GRIK4: variants seen among roughly 807,000 people sequenced by gnomAD.
GRIK4 encodes glutamate ionotropic receptor kainate type subunit 4, also known as glutamate receptor ionotropic, kainate 4.
Under a neutral mutation model 104.9 loss-of-function variants are expected in GRIK4, and 40 were observed. That is an observed-to-expected ratio of 0.38 (90% confidence interval 0.30 to 0.50). The LOEUF (loss-of-function observed/expected upper bound fraction) is 0.50. Among genes scored for constraint, GRIK4 ranks in the 20% least tolerant of loss-of-function variants. GRIK4 has a pLI of 0.93. For synonymous variants in GRIK4, 485 were observed against 524.9 expected (o/e 0.92, Z 1.04); for missense variants, 1,047 against 1,308.1 (o/e 0.80, Z 3.08).
intron 3 of GRIK4, among the ~76,000 whole-genome samples, chr11:120,684,855 G>T (rs560728034): frequency 1.3e-5 from 2 of 152,112 alleles, no homozygotes; most frequent in Admixed American, 6.5e-5. Flanking sequence ...GACTACAGGC[G>T]CCCGCCACCG....
chr11:120,707,950 GA>G (rs1363502096), intron 3 of GRIK4, among the ~76,000 whole-genome samples: 1 of 152,134 alleles, frequency 6.6e-6, no homozygotes, highest in Non-Finnish European at 1.5e-5. Flanking sequence ...TTTTTTGGCT[GA>G]CCTAACGGAA....
At chr11:120,571,371 C>G (rs768757056) in intron 1 of GRIK4, among the ~76,000 whole-genome samples, 12 of 152,184 alleles carry the variant, frequency 7.9e-5, no homozygotes, top group Non-Finnish European at 1.8e-4. Context: ...CACACCTGTG[C>G]ACAGCAGTCT....
intron 3 of GRIK4, among the ~76,000 whole-genome samples, chr11:120,738,090 T>C (rs1480816661): frequency 6.7e-6 from 1 of 149,050 alleles, no homozygotes; most frequent in Non-Finnish European, 1.5e-5. Context: ...TAAGAGGAGA[T>C]TGAGAGGGAG....
chr11:120,574,146 C>G (rs1271469311), intron 1 of GRIK4, among the ~76,000 whole-genome samples: 1 of 152,194 alleles, frequency 6.6e-6, no homozygotes, highest in East Asian at 1.9e-4. Context: ...CACACACCTC[C>G]TCCCACGTGC....
chr11:120,784,923 G>A lies in GRIK4; in HGVS notation c.83-17770G>A, dbSNP rs79442231. On this transcript the variant is annotated intron_variant, in intron 3 of 20. Coordinates refer to ENST00000527524, the MANE Select transcript of GRIK4 (RefSeq NM_014619.5). ...CACTGGTGCCTGGCGTGAGGTCGGC[G>A]CTCAGTAAATGCAAGTCAAATTGAA... 2.8e-4 allele frequency among the ~76,000 whole-genome samples: 43 copies of A among 152,186 alleles called. 1 individual carries two copies. In the East Asian group the frequency reaches 6.8e-3, roughly 24 times the overall value.
chr11:120,701,625 G>A (rs927663364), intron 3 of GRIK4, among the ~76,000 whole-genome samples: 21 of 152,224 alleles, frequency 1.4e-4, no homozygotes, highest in African/African-American at 5.1e-4. Flanking sequence ...TCTCCTGTGT[G>A]TATATACCCA....
intron 19 of GRIK4, among the ~76,000 whole-genome samples, chr11:120,972,319 A>T (rs576864166): frequency 1.1e-4 from 16 of 152,340 alleles, no homozygotes; most frequent in African/African-American, 3.8e-4. Context: ...GGCGGCATTC[A>T]TGGTCCCAGG....
At chr11:120,814,037 C>T (rs1425162015) in intron 4 of GRIK4, among the ~76,000 whole-genome samples, 1 of 152,202 alleles carries the variant, frequency 6.6e-6, no homozygotes, top group African/African-American at 2.4e-5. Context: ...TAGATTCTCT[C>T]CCCCTCCTCT....
chr11:120,952,835 G>C lies in GRIK4; in HGVS notation c.1591-20G>C, dbSNP rs377696276. Reference sequence around the variant, plus strand: ...TGACTGAATATGTGCGGTGAATCTTGTTTTTCTCTCCATTTCCAGGGACGC... The same window carrying C: ...TGACTGAATATGTGCGGTGAATCTTCTTTTTCTCTCCATTTCCAGGGACGC... On this transcript the variant is annotated intron_variant, in intron 14 of 20. Transcript: ENST00000527524. The surrounding 1 kb of genome is among the most constrained non-coding windows in gnomAD (Gnocchi z 5.2). 5.1e-6 allele frequency: 8 copies of C among 1,553,602 alleles called. No homozygotes were observed. In the African/African-American group the frequency reaches 1.1e-4, roughly 21 times the overall value.
intron 13 of GRIK4, among the ~76,000 whole-genome samples, chr11:120,906,041 T>C (rs1942860894): frequency 6.6e-6 from 1 of 152,188 alleles, no homozygotes; most frequent in South Asian, 2.1e-4. Context: ...GGCCAAGGTG[T>C]GCTTGGACCT....
rs191349299 is a variant in GRIK4 at position 120,813,096 on chromosome 11, G to A, written c.248-2282G>A. Among the ~76,000 whole-genome samples, 9 of 152,324 alleles carry A rather than the reference G, an allele frequency of 5.9e-5. No individual in the cohort carries two copies. The East Asian group carries it at 1.7e-3, about 29-fold the overall frequency. On this transcript the variant is annotated intron_variant, in intron 4 of 20. Coordinates refer to ENST00000527524, the MANE Select transcript of GRIK4 (RefSeq NM_014619.5). ...GAAAGTGGATTCAGTAGACGAGGTG[G>A]GCGGGGGGACCTCCACTGTAAGAGG...
intron 8 of GRIK4, among the ~76,000 whole-genome samples, chr11:120,845,521 C>G (rs529324031): frequency 2.0e-5 from 3 of 152,110 alleles, no homozygotes; most frequent in Non-Finnish European, 2.9e-5. Flanking sequence ...CAGCTGTTAT[C>G]AGAAACATTT....
In GRIK4 at chr11:120,906,805, C is replaced by T. The variant is rs530741859; in HGVS notation, c.1476+1312C>T. Among the ~76,000 whole-genome samples, 39 of 152,246 alleles carry T rather than the reference C, an allele frequency of 2.6e-4. No homozygotes were observed. In the South Asian group the frequency reaches 5.6e-3, roughly 22 times the overall value. ...GAACATGGACGGCATCTGCAATGAC[C>T]GAGCAGGGTAAAATGGCCAGCCTTG... On this transcript the variant is annotated intron_variant, in intron 13 of 20. Coordinates refer to ENST00000527524, the MANE Select transcript of GRIK4 (RefSeq NM_014619.5).
intron 3 of GRIK4, among the ~76,000 whole-genome samples, chr11:120,690,091 T>C (rs536353092): frequency 6.6e-6 from 1 of 152,306 alleles, no homozygotes; most frequent in Admixed American, 6.5e-5. Flanking sequence ...AAGTGATTTA[T>C]GGTTGGGTAG....
chr11:120,877,236 A>G (rs1954846481), intron 11 of GRIK4, among the ~76,000 whole-genome samples: 1 of 152,216 alleles, frequency 6.6e-6, no homozygotes, highest in Middle Eastern at 3.2e-3. Flanking sequence ...CGGGGATGGC[A>G]TTTCACAAAA....
At chr11:120,729,960 C>G (rs370289238) in intron 3 of GRIK4, among the ~76,000 whole-genome samples, 2 of 152,170 alleles carry the variant, frequency 1.3e-5, no homozygotes, top group East Asian at 3.9e-4. Flanking sequence ...AGATATGGGT[C>G]TACTTTCATT....
intron 3 of GRIK4, among the ~76,000 whole-genome samples, chr11:120,775,617 G>A (rs1952028351): frequency 6.6e-6 from 1 of 152,236 alleles, no homozygotes; most frequent in Non-Finnish European, 1.5e-5. Flanking sequence ...GATTAGGATG[G>A]GGCAGCGATG....
intron 19 of GRIK4, among the ~76,000 whole-genome samples, chr11:120,975,232 C>A (rs1251686419): frequency 6.6e-6 from 1 of 152,122 alleles, no homozygotes; most frequent in African/African-American, 2.4e-5. Flanking sequence ...GACATCTTAG[C>A]AAGAGTGGGG....
At chr11:120,942,434 G>T (rs1472440788) in intron 14 of GRIK4, among the ~76,000 whole-genome samples, 2 of 152,160 alleles carry the variant, frequency 1.3e-5, no homozygotes, top group African/African-American at 4.8e-5. Context: ...CCCTGCTGTG[G>T]CTTGTGGTAG....
Sources: gnomAD v4.1 joint callset for allele counts (sites outside exome capture counted in the v4.1 genomes callset) on GRCh38, gnomAD v4.1.1 for gene constraint, Gnocchi (gnomAD v3.1) non-coding constraint, MANE v1.5 for transcripts, NCBI Gene and HGNC (gene_info 2026-07-23, HGNC 2026-07-21) for gene names.